Variants in CBLN2 observed in about 807,000 individuals in gnomAD.
The protein encoded by CBLN2 is cerebellin 2 precursor.
A neutral mutation model predicts 15.0 loss-of-function variants in CBLN2; 7 were observed. The observed-to-expected ratio is 0.47, with a 90% CI of 0.27 to 0.88. CBLN2 has a LOEUF of 0.88. CBLN2 is among the 40% of genes least tolerant of loss of function. The probability of loss-of-function intolerance (pLI) is 0.14; values close to 1 mark genes in which losing one functional copy is unlikely to be tolerated. For missense variants in CBLN2, 242 were observed against 304.5 expected (o/e 0.79, Z 1.53); for synonymous variants, 149 against 135.2 (o/e 1.10, Z -0.71).
At chr18:72,610,211 C>T (rs779142986) in intron 1 of CBLN2, among the ~76,000 whole-genome samples, 2 of 152,094 alleles carry the variant, frequency 1.3e-5, no homozygotes, top group African/African-American at 2.4e-5. Context: ...GCGCACTCCT[C>T]TCCCCCATCT....
chr18:72,590,099 C>T (rs1295178835), intron 1 of CBLN2, among the ~76,000 whole-genome samples: 1 of 152,172 alleles, frequency 6.6e-6, no homozygotes, highest in Non-Finnish European at 1.5e-5. Flanking sequence ...AACCCTGTCT[C>T]TATTAAATAC....
At chr18:72,632,860 A>G (rs1364909976) in intron 1 of CBLN2, among the ~76,000 whole-genome samples, 2 of 152,228 alleles carry the variant, frequency 1.3e-5, no homozygotes, top group African/African-American at 4.8e-5. Context: ...GCTGTTTTGT[A>G]GCTGGATCTA....
At chr18:72,606,113 G>C (rs1168841310) in intron 1 of CBLN2, among the ~76,000 whole-genome samples, 4 of 152,266 alleles carry the variant, frequency 2.6e-5, no homozygotes, top group South Asian at 4.1e-4. Flanking sequence ...AAAGTAGAAA[G>C]CTTTTCCTAT....
chr18:72,581,872 T>A (rs1367991), intron 1 of CBLN2, among the ~76,000 whole-genome samples: 1 of 152,238 alleles, frequency 6.6e-6, no homozygotes, highest in African/African-American at 2.4e-5. Flanking sequence ...TATATGTTTG[T>A]GAGTGTGTTT....
At chr18:72,579,925 C>T (rs2069392058) in intron 1 of CBLN2, among the ~76,000 whole-genome samples, 1 of 151,566 alleles carries the variant, frequency 6.6e-6, no homozygotes. Context: ...GTTGGTCTTG[C>T]ATTAAGGAAA....
At chr18:72,540,615 A>C (rs1399360400) in intron 3 of CBLN2, among the ~76,000 whole-genome samples, 2 of 152,230 alleles carry the variant, frequency 1.3e-5, no homozygotes, top group Non-Finnish European at 2.9e-5. Context: ...GGACATAATC[A>C]AAATAAATAA....
intron 1 of CBLN2, among the ~76,000 whole-genome samples, chr18:72,619,854 G>A (rs962714428): frequency 6.6e-6 from 1 of 152,194 alleles, no homozygotes; most frequent in Admixed American, 6.5e-5. Flanking sequence ...TGTGACAGAG[G>A]TGCCTTGTTT....
rs530590637 is a variant in CBLN2 at position 72,537,453 on chromosome 18, T to A, written c.*723A>T. On this transcript the variant is annotated 3_prime_UTR_variant, in exon 5 of 5. Coordinates refer to ENST00000269503, the MANE Select transcript of CBLN2 (RefSeq NM_182511.4). Reference sequence around the variant, plus strand: ...TTATCCAGGAATTCTATATTTTCTCTCCTCAACCCCAGCAAGAAAAATAAA... The same window carrying A: ...TTATCCAGGAATTCTATATTTTCTCACCTCAACCCCAGCAAGAAAAATAAA... 3 of 152,630 alleles carry A rather than the reference T, an allele frequency of 2.0e-5. No homozygotes were observed. The highest frequency in any genetic ancestry group is 3.4e-3 in the Middle Eastern group (1 of 294). 9.5% of individuals were successfully genotyped at this position (152,630 alleles called of 1,614,324 possible).
At chr18:72,610,962 A>G (rs950601073) in intron 1 of CBLN2, among the ~76,000 whole-genome samples, 15 of 152,118 alleles carry the variant, frequency 9.9e-5, no homozygotes, top group African/African-American at 3.4e-4. Context: ...CCCCCTATTT[A>G]GCTTCCACTT....
At chr18:72,550,053 C>T (rs1351691953) in intron 1 of CBLN2, among the ~76,000 whole-genome samples, 2 of 152,186 alleles carry the variant, frequency 1.3e-5, no homozygotes, top group African/African-American at 4.8e-5. Context: ...AGCAAATATT[C>T]TCCTGGTTGT....
chr18:72,549,979 G>A (rs557569577), intron 1 of CBLN2, among the ~76,000 whole-genome samples: 1 of 152,284 alleles, frequency 6.6e-6, no homozygotes, highest in South Asian at 2.1e-4. Flanking sequence ...AGAGGGAATG[G>A]TGAGATTTAT....
chr18:72,555,014 A>G (rs529489163), intron 1 of CBLN2, among the ~76,000 whole-genome samples: 2 of 152,192 alleles, frequency 1.3e-5, no homozygotes, highest in South Asian at 4.1e-4. Flanking sequence ...ACGTGCCTGT[A>G]ATCCCAGCTA....
chr18:72,625,981 T>A (rs1332510409), intron 1 of CBLN2, among the ~76,000 whole-genome samples: 1 of 151,558 alleles, frequency 6.6e-6, no homozygotes, highest in Non-Finnish European at 1.5e-5. Context: ...ATTTTCAGTG[T>A]CCATTTCCGG....
intron 1 of CBLN2, among the ~76,000 whole-genome samples, chr18:72,604,589 G>A (rs569621029): frequency 6.6e-6 from 1 of 152,310 alleles, no homozygotes; most frequent in East Asian, 1.9e-4. Flanking sequence ...AGAGAGGGGG[G>A]CCTTTTAGAG....
At chr18:72,591,027 T>C (rs1205938409) in intron 1 of CBLN2, among the ~76,000 whole-genome samples, 3 of 152,240 alleles carry the variant, frequency 2.0e-5, no homozygotes, top group Non-Finnish European at 2.9e-5. Context: ...CTTTCATATA[T>C]TCAGCCCATC....
rs990513719 is a variant in CBLN2, at chr18:72,549,406, A to C, written c.16-10634T>G. On this transcript the variant is annotated intron_variant, in intron 1 of 2. Coordinates refer to the CBLN2 transcript ENST00000581073. ...TCTATTTTTTTCTATTCTTGTGGGAATATTAATACCTGAAAAATATTCTGA... is the reference window on the plus strand; with the variant it reads ...TCTATTTTTTTCTATTCTTGTGGGACTATTAATACCTGAAAAATATTCTGA... Among the ~76,000 whole-genome samples, 8 of 152,226 alleles carry C rather than the reference A, an allele frequency of 5.3e-5. No individual in the cohort carries two copies. The East Asian group carries it at 1.5e-3, about 29-fold the overall frequency.
At chr18:72,574,590 C>T (rs1238319304) in intron 1 of CBLN2, among the ~76,000 whole-genome samples, 1 of 152,140 alleles carries the variant, frequency 6.6e-6, no homozygotes, top group Non-Finnish European at 1.5e-5. Context: ...CAGATGGGAT[C>T]ATGGCTCATT....
intron 1 of CBLN2, among the ~76,000 whole-genome samples, chr18:72,633,124 G>T (rs570817241): frequency 2.1e-4 from 32 of 152,198 alleles, no homozygotes; most frequent in Admixed American, 9.2e-4. Context: ...AATCAACGGC[G>T]ATTGTTACTT....
intron 1 of CBLN2, among the ~76,000 whole-genome samples, chr18:72,565,408 G>A (rs941530658): frequency 1.3e-5 from 2 of 151,988 alleles, no homozygotes; most frequent in Non-Finnish European, 2.9e-5. Flanking sequence ...CAGATTTCTA[G>A]TATGAAGGTT....
Sources: allele counts gnomAD v4.1 joint callset (sites outside exome capture counted in the v4.1 genomes callset), GRCh38; gene constraint gnomAD v4.1.1; transcripts MANE v1.5; gene names NCBI Gene and HGNC (gene_info 2026-07-23, HGNC 2026-07-21).